PTPN13: variants seen among roughly 807,000 people sequenced by gnomAD.
PTPN13 encodes protein tyrosine phosphatase non-receptor type 13.
PTPN13 carries 191 observed loss-of-function variants against 284.0 expected under a neutral mutation model. The observed-to-expected ratio is 0.67, with a 90% CI of 0.60 to 0.76. PTPN13 has a LOEUF of 0.76. PTPN13 is among the 30% of genes least tolerant of loss of function. The probability of loss-of-function intolerance (pLI) is 0.00; values close to 1 mark genes in which losing one functional copy is unlikely to be tolerated. For synonymous variants in PTPN13, 986 were observed against 1,022.3 expected (o/e 0.96, Z 0.68); for missense variants, 2,797 against 2,939.9 (o/e 0.95, Z 1.12).
chr4:86,625,983 A>G (rs1721789905), intron 1 of PTPN13, among the ~76,000 whole-genome samples: 1 of 152,216 alleles, frequency 6.6e-6, no homozygotes, highest in African/African-American at 2.4e-5. Flanking sequence ...TGATCTTAAC[A>G]TAAGTCTGTA....
chr4:86,767,788 A>G (rs1375073697), intron 27 of PTPN13, 29 bp from the exon 28 acceptor site: 1 of 1,464,776 alleles, frequency 6.8e-7, no homozygotes, highest in Non-Finnish European at 9.2e-7. Flanking sequence ...ATTCTTCTTA[A>G]TTAATGAAAT....
intron 40 of PTPN13, among the ~76,000 whole-genome samples, chr4:86,788,206 C>A (rs1053519215): frequency 6.6e-6 from 1 of 152,106 alleles, no homozygotes; most frequent in Admixed American, 6.5e-5. Flanking sequence ...CATAAGCAGA[C>A]AAATTTAAAA....
chr4:86,755,568 T>C (rs780522394), intron 20 of PTPN13, among the ~76,000 whole-genome samples: 3 of 152,068 alleles, frequency 2.0e-5, no homozygotes, highest in Non-Finnish European at 4.4e-5. Flanking sequence ...CGACTTATCA[T>C]GGTTTGACTT....
chr4:86,717,409 G>A (rs1181830866), intron 9 of PTPN13, among the ~76,000 whole-genome samples: 6 of 151,830 alleles, frequency 4.0e-5, no homozygotes, highest in Admixed American at 2.0e-4. Flanking sequence ...GGCTGGTCTC[G>A]AACTCCTGAC....
chr4:86,743,014 G>A (rs1266146090), intron 16 of PTPN13, among the ~76,000 whole-genome samples: 2 of 152,022 alleles, frequency 1.3e-5, no homozygotes, highest in East Asian at 1.9e-4. Flanking sequence ...CATTTTTCCT[G>A]AAGTTCTTTC....
chr4:86,734,998 G>A, intron 14 of PTPN13, 123 bp downstream of exon 14: 1 of 1,138,926 alleles, frequency 8.8e-7, no homozygotes, highest in South Asian at 1.8e-5. Context: ...GGCTTCTTTG[G>A]TTCCTCAGAA....
intron 5 of PTPN13, chr4:86,689,942 A>G (rs1578420894): frequency 2.1e-6 from 1 of 471,884 alleles, no homozygotes; most frequent in African/African-American, 2.0e-5. Flanking sequence ...CAAATTTACC[A>G]CTGCCACACA....
At chr4:86,813,505 C>T (rs1027385992) in intron 47 of PTPN13, among the ~76,000 whole-genome samples, 6 of 151,924 alleles carry the variant, frequency 3.9e-5, no homozygotes, top group Non-Finnish European at 7.4e-5. Flanking sequence ...GAGCACAGTC[C>T]GTGATCTCTG....
rs1740543336 is a variant in PTPN13 at position 86,775,591 on chromosome 4, T to G, written c.5830T>G (p.Leu1944Val). Residue 1944 changes from leucine to valine, a missense_variant, in exon 35 of 48, where the codon TTG becomes GTG. Coordinates refer to ENST00000411767, the MANE Select transcript of PTPN13 (RefSeq NM_080683.3). ...CGGAGTCAGCACACAAGGAATGACC[T>G]TGGAGGAAGTTAACAGAGCATTAGA... ...VNGVSTQGMTLEEVNRALDMS... is the reference protein window; with the variant it reads ...VNGVSTQGMTVEEVNRALDMS... 1 of 1,613,550 alleles carries G rather than the reference T, an allele frequency of 6.2e-7. No individual in the cohort carries two copies. Among genetic ancestry groups the G allele is most frequent in the Non-Finnish European group, 8.5e-7 (1 of 1,179,742 alleles).
At position 86,716,612 on chromosome 4, in the gene PTPN13, A is replaced by G. The variant is rs1432463256; in HGVS notation, c.1278A>G (p.Ser426=). The part of the protein sequence containing the change: ...SESPSIISSE[S]DFRQVRRSEA... ...GTCCATCTATTATTTCCTCTGAATCAGATTTCAGACAAGGTAGGAGGCATC... is the reference window on the plus strand; with the variant it reads ...GTCCATCTATTATTTCCTCTGAATCGGATTTCAGACAAGGTAGGAGGCATC... The change falls in exon 8 of 48, where the codon TCA becomes TCG. Residue 426 remains serine (S), a synonymous_variant. Coordinates refer to ENST00000411767, the MANE Select transcript of PTPN13 (RefSeq NM_080683.3). 11 of 1,583,920 alleles carry G rather than the reference A, an allele frequency of 6.9e-6. No individual in the cohort carries two copies. The Admixed American group carries it at 7.1e-5, about 10-fold the overall frequency.
chr4:86,740,922 A>G (rs1017609343), intron 15 of PTPN13, among the ~76,000 whole-genome samples: 1 of 151,642 alleles, frequency 6.6e-6, no homozygotes, highest in Non-Finnish European at 1.5e-5. Flanking sequence ...CAAAAAAAAA[A>G]GAAAAAGAAA....
chr4:86,745,514 C>G (rs868031565), intron 17 of PTPN13, among the ~76,000 whole-genome samples: 1 of 152,146 alleles, frequency 6.6e-6, no homozygotes, highest in Admixed American at 6.5e-5. Context: ...CAGTGGCTCA[C>G]GCCTGTAATC....
In PTPN13 at chr4:86,734,894, TC is replaced by T. The variant is rs1554328039; in HGVS notation, c.2151+21del. 1 of 1,604,024 alleles carries T rather than the reference TC, an allele frequency of 6.2e-7. No individual in the cohort carries two copies. Among genetic ancestry groups the T allele is most frequent in the Non-Finnish European group, 8.5e-7 (1 of 1,172,552 alleles). On this transcript the variant is annotated intron_variant, in intron 14 of 47. Transcript: ENST00000411767. ...ACCAGAGGTAGGATTTGTGTTTTTT[TC>T]CAGGACCATTTTTGTTTGGTGTTGT...
chr4:86,811,559 T>C (rs2149395236), intron 47 of PTPN13, among the ~76,000 whole-genome samples: 1 of 152,314 alleles, frequency 6.6e-6, no homozygotes, highest in South Asian at 2.1e-4. Flanking sequence ...CAAGAAGACA[T>C]TCTGTAAGGA....
chr4:86,744,255 T>A (rs1736479336), intron 16 of PTPN13, among the ~76,000 whole-genome samples: 2 of 152,208 alleles, frequency 1.3e-5, no homozygotes, highest in African/African-American at 4.8e-5. Context: ...TCTACTTGAC[T>A]GAATCCTGGC....
chr4:86,781,509 G>C (rs1235939862), intron 36 of PTPN13, among the ~76,000 whole-genome samples: 2 of 152,032 alleles, frequency 1.3e-5, no homozygotes, highest in Non-Finnish European at 2.9e-5. Context: ...GTGTTGAATT[G>C]ATAGTCTTTT....
At chr4:86,798,767 A>C (rs1038141571) in intron 41 of PTPN13, among the ~76,000 whole-genome samples, 1 of 152,200 alleles carries the variant, frequency 6.6e-6, no homozygotes, top group Admixed American at 6.5e-5. Context: ...GATGCTGAAA[A>C]GAAGGAGAAA....
chr4:86,745,763 G>A (rs140493137), intron 17 of PTPN13, among the ~76,000 whole-genome samples: 6,032 of 151,768 alleles, frequency 0.04, 196 homozygotes, highest in Non-Finnish European at 0.059. Context: ...GCGACAGTGC[G>A]AGACTCTGTC....
rs185133738 is a variant in PTPN13, at chr4:86,648,151, G to A, written c.115+12780G>A. On this transcript the variant is annotated intron_variant, in intron 2 of 47. Coordinates refer to ENST00000411767, the MANE Select transcript of PTPN13 (RefSeq NM_080683.3). Reference sequence around the variant, plus strand: ...GTACATGTGATATTTTGAAAAAAGCGTACTCTGTGTAATGGTCAAGTCAGG... The same window carrying A: ...GTACATGTGATATTTTGAAAAAAGCATACTCTGTGTAATGGTCAAGTCAGG... Among the ~76,000 whole-genome samples the A allele has an allele frequency of 2.6e-3, 388 of 152,018 alleles. 2 individuals carry two copies. The highest frequency in any genetic ancestry group is 8.6e-3 in the African/African-American group (357 of 41,482).
Sources: allele counts gnomAD v4.1 joint callset (sites outside exome capture counted in the v4.1 genomes callset), GRCh38; gene constraint gnomAD v4.1.1; transcripts MANE v1.5; gene names NCBI Gene and HGNC (gene_info 2026-07-23, HGNC 2026-07-21).